CSMD3: variants seen among roughly 807,000 people sequenced by gnomAD.
CSMD3 encodes CUB and Sushi multiple domains 3, also known as CUB and sushi domain-containing protein 3.
A neutral mutation model predicts 435.2 loss-of-function variants in CSMD3; 177 were observed. The ratio of observed to expected loss-of-function variants is 0.41; its 90% CI spans 0.36 to 0.46. The LOEUF is 0.46. CSMD3 is among the 20% of genes least tolerant of loss of function. The pLI is 0.34. For synonymous variants in CSMD3, 1,656 were observed against 1,520.5 expected, an observed-to-expected ratio of 1.09 and a Z score of -2.07; for missense variants, 4,265 against 4,504.6, an observed-to-expected ratio of 0.95 and a Z score of 1.52.
chr8:112,270,359 T>TGTGTGTGTGTGTTAGGGGTGA (rs1817379317), intron 59 of CSMD3, among the ~76,000 whole-genome samples: 4 of 130,906 alleles, frequency 3.1e-5, no homozygotes, highest in Non-Finnish European at 6.2e-5. Flanking sequence ...TGTGTGTGTG[T>TGTGTGTGTGTGTTAGGGGTGA]GTGTGTGTGT....
intron 3 of CSMD3, among the ~76,000 whole-genome samples, chr8:113,227,134 T>G (rs1385398960): frequency 6.6e-6 from 1 of 151,610 alleles, no homozygotes; most frequent in Non-Finnish European, 1.5e-5. Flanking sequence ...TCATTATTTT[T>G]ATTCATTTAT....
At chr8:112,476,766 C>G (rs572369881) in intron 31 of CSMD3, among the ~76,000 whole-genome samples, 1 of 152,312 alleles carries the variant, frequency 6.6e-6, no homozygotes, top group East Asian at 1.9e-4. Context: ...CTCTCCCTGA[C>G]TCTTGGCGTC....
intron 2 of CSMD3, among the ~76,000 whole-genome samples, chr8:113,289,968 C>T (rs1221616994): frequency 1.3e-5 from 2 of 151,628 alleles, no homozygotes. Flanking sequence ...ATTTACACAA[C>T]TTTTATTATT....
intron 61 of CSMD3, among the ~76,000 whole-genome samples, chr8:112,260,665 A>G (rs1816298790): frequency 6.6e-6 from 1 of 152,056 alleles, no homozygotes; most frequent in African/African-American, 2.4e-5. Context: ...CCTGGAGAAG[A>G]CCTGGAGTAT....
chr8:113,232,541 C>T (rs991044332), intron 3 of CSMD3, among the ~76,000 whole-genome samples: 1 of 151,636 alleles, frequency 6.6e-6, no homozygotes, highest in African/African-American at 2.4e-5. Context: ...ACTATGGATT[C>T]TATTTTGAAT....
intron 10 of CSMD3, among the ~76,000 whole-genome samples, chr8:112,866,919 G>A (rs1332258710): frequency 1.3e-5 from 2 of 152,144 alleles, no homozygotes; most frequent in African/African-American, 4.8e-5. Flanking sequence ...GAGTGAGTAT[G>A]TACAGCTCAA....
intron 10 of CSMD3, among the ~76,000 whole-genome samples, chr8:112,887,071 T>C (rs1052269042): frequency 1.3e-5 from 2 of 151,536 alleles, no homozygotes; most frequent in African/African-American, 4.8e-5. Flanking sequence ...TGTACCTCAG[T>C]CTCCTCACTG....
intron 3 of CSMD3, among the ~76,000 whole-genome samples, chr8:113,217,264 C>G (rs1460843607): frequency 6.6e-6 from 1 of 151,480 alleles, no homozygotes; most frequent in Non-Finnish European, 1.5e-5. Flanking sequence ...TACAAACCCA[C>G]TACAACATAT....
chr8:113,341,933 T>C (rs1801492095), intron 1 of CSMD3, among the ~76,000 whole-genome samples: 1 of 152,130 alleles, frequency 6.6e-6, no homozygotes, highest in South Asian at 2.1e-4. Context: ...TTTTCTGAGC[T>C]CATTGGGCTC....
chr8:112,812,074 G>C (rs2079242505), intron 12 of CSMD3, among the ~76,000 whole-genome samples: 2 of 152,234 alleles, frequency 1.3e-5, no homozygotes, highest in Admixed American at 1.3e-4. Context: ...AGGAATATTA[G>C]GTGATCATCA....
chr8:112,856,777 T>G (rs2129813703), intron 11 of CSMD3, among the ~76,000 whole-genome samples: 1 of 151,968 alleles, frequency 6.6e-6, no homozygotes, highest in Non-Finnish European at 1.5e-5. Flanking sequence ...GAACAATAAT[T>G]ACTGAACAAA....
chr8:112,718,556 T>C (rs949332608), intron 13 of CSMD3, among the ~76,000 whole-genome samples: 4 of 150,962 alleles, frequency 2.6e-5, no homozygotes, highest in Non-Finnish European at 4.4e-5. Context: ...ATGATAGTAA[T>C]ATGCATAATA....
At chr8:112,755,048 C>T (rs539448616) in intron 13 of CSMD3, among the ~76,000 whole-genome samples, 10 of 151,938 alleles carry the variant, frequency 6.6e-5, no homozygotes, top group African/African-American at 2.2e-4. Context: ...ATAATGAGGG[C>T]GGGCCAGGCG....
chr8:113,195,815 A>T (rs867522062), intron 3 of CSMD3, among the ~76,000 whole-genome samples: 54 of 124,932 alleles, frequency 4.3e-4, no homozygotes, highest in Admixed American at 1.3e-3. Context: ...ATATATATAT[A>T]CACACACACA....
rs1587936826 is a variant in CSMD3, at chr8:113,035,598, C to T, written c.918-16419G>A. Among the ~76,000 whole-genome samples, 3 of 151,782 alleles carry T rather than the reference C, an allele frequency of 2.0e-5. 1 individual carries two copies. The South Asian group carries it at 6.2e-4, about 31-fold the overall frequency. On this transcript the variant is annotated intron_variant, in intron 5 of 70. Transcript: ENST00000297405. Reference sequence around the variant, plus strand: ...ATGATTGTATATGTTTGTCAAAATACATAATGTTTTATGCATAAGAATGAA... The same window carrying T: ...ATGATTGTATATGTTTGTCAAAATATATAATGTTTTATGCATAAGAATGAA...
At chr8:113,064,505 T>G (rs1333149435) in intron 5 of CSMD3, among the ~76,000 whole-genome samples, 1 of 152,176 alleles carries the variant, frequency 6.6e-6, no homozygotes, top group Non-Finnish European at 1.5e-5. Context: ...TTCATTTATT[T>G]AAGATCTACT....
chr8:112,594,394 G>A (rs1356878254), intron 22 of CSMD3, among the ~76,000 whole-genome samples: 1 of 152,112 alleles, frequency 6.6e-6, no homozygotes, highest in Non-Finnish European at 1.5e-5. Context: ...CTGATTGCTA[G>A]CACAGCAGTC....
intron 13 of CSMD3, among the ~76,000 whole-genome samples, chr8:112,783,620 T>C (rs1010396921): frequency 1.8e-4 from 27 of 152,154 alleles, no homozygotes; most frequent in African/African-American, 6.5e-4. Flanking sequence ...GTAAATGGGC[T>C]AAACTCTCCA....
chr8:113,251,885 T>C (rs1218248883), intron 3 of CSMD3, among the ~76,000 whole-genome samples: 1 of 152,068 alleles, frequency 6.6e-6, no homozygotes, highest in Non-Finnish European at 1.5e-5. Context: ...TTGTATACTT[T>C]CTTAGAAATC....
Sources: gnomAD v4.1 joint callset for allele counts (sites outside exome capture counted in the v4.1 genomes callset) on GRCh38, gnomAD v4.1.1 for gene constraint, MANE v1.5 for transcripts, NCBI Gene and HGNC (gene_info 2026-07-23, HGNC 2026-07-21) for gene names.